PCDH7: variants seen among roughly 807,000 people sequenced by gnomAD.
The protein encoded by PCDH7 is protocadherin 7.
PCDH7 carries 17 observed loss-of-function variants against 58.9 expected under a neutral mutation model. That is an observed-to-expected ratio of 0.29 (90% CI 0.20 to 0.43). PCDH7 has a LOEUF of 0.43. Among genes scored for constraint, PCDH7 ranks in the 20% least tolerant of loss-of-function variants. The pLI, the probability that PCDH7 is intolerant of heterozygous loss-of-function variation, is 1.00. For synonymous variants in PCDH7, 664 were observed against 616.4 expected, an observed-to-expected ratio of 1.08 and a Z score of -1.14; for missense variants, 1,274 against 1,441.0, an observed-to-expected ratio of 0.88 and a Z score of 1.88.
intron 2 of PCDH7, among the ~76,000 whole-genome samples, chr4:30,923,612 A>G (rs2109418246): frequency 6.6e-6 from 1 of 152,296 alleles, no homozygotes; most frequent in East Asian, 1.9e-4. Context: ...ATGTAGAATG[A>G]GATCCACCAT....
Position 30,721,381 on chromosome 4 carries a change from G to A in PCDH7, c.-42G>A. On this transcript the variant is annotated 5_prime_UTR_variant, in exon 1 of 2. Transcript: ENST00000361762. The surrounding 1 kb of genome is among the most constrained non-coding windows in gnomAD (Gnocchi z 6.7). ...CCCCGGAGGAGGGGGGCGCCGAGGG[G>A]GCTGTGGTTAGAAGGAGCAGTAGCA... The A allele has an allele frequency of 1.4e-6, 2 of 1,439,902 alleles. No homozygotes were observed. The highest frequency in any genetic ancestry group is 2.9e-5 in the South Asian group (2 of 68,532). The allele number at this position is 1,439,902 out of a possible 1,614,324, so 89.2% of individuals were successfully genotyped here.
In PCDH7 at chr4:30,873,507, A is replaced by G. The variant is rs1054563047; in HGVS notation, c.71-46646A>G. Among the ~76,000 whole-genome samples, 5 of 152,094 alleles carry G rather than the reference A, an allele frequency of 3.3e-5. 1 individual carries two copies. Among genetic ancestry groups the G allele is most frequent in the Admixed American group, 1.3e-4 (2 of 15,256 alleles). ...TATATACAAATTTAATTTGAGATCT[A>G]TATGTATTTCTAAATAATGAGAAAT... On this transcript the variant is annotated intron_variant, in intron 1 of 3. Transcript: ENST00000509759.
At chr4:30,742,991 C>A (rs1018378869) in intron 1 of PCDH7, among the ~76,000 whole-genome samples, 1 of 152,022 alleles carries the variant, frequency 6.6e-6, no homozygotes, top group African/African-American at 2.4e-5. Flanking sequence ...TATCTCTGTT[C>A]TTTAATTAAT....
In PCDH7 at chr4:31,051,843, G is replaced by GGGT. The variant is rs1447803686; in HGVS notation, c.*8-90630_*8-90629insGGT. On this transcript the variant is annotated intron_variant, in intron 3 of 3. Coordinates refer to the PCDH7 transcript ENST00000509759. ...ATTGTTGGGTGTGTGTGGGGGGCGG[G>GGGT]TAGGGGAATTGTTCATGATATTTCA... 7.6e-4 allele frequency among the ~76,000 whole-genome samples: 112 copies of GGGT among 148,116 alleles called. 1 individual carries two copies. Among genetic ancestry groups the GGGT allele is most frequent in the African/African-American group, 2.8e-3 (110 of 39,404 alleles).
chr4:30,775,930 T>C (rs1722003125), intron 1 of PCDH7, among the ~76,000 whole-genome samples: 1 of 152,012 alleles, frequency 6.6e-6, no homozygotes, highest in Non-Finnish European at 1.5e-5. Context: ...ATGCCCACAT[T>C]TCAGAAAGGC....
chr4:30,749,865 TTTGTAG>T (rs1718276489), intron 1 of PCDH7, among the ~76,000 whole-genome samples: 1 of 152,232 alleles, frequency 6.6e-6, no homozygotes, highest in Non-Finnish European at 1.5e-5. Context: ...GTACCATTTC[TTTGTAG>T]AATTTTTAGG....
At chr4:30,773,231 T>C (rs1419525831) in intron 1 of PCDH7, among the ~76,000 whole-genome samples, 2 of 152,202 alleles carry the variant, frequency 1.3e-5, no homozygotes, top group African/African-American at 4.8e-5. Flanking sequence ...GAAGAATTTC[T>C]TGCTAAAAGT....
At chr4:30,860,059 C>T (rs137992707) in intron 1 of PCDH7, among the ~76,000 whole-genome samples, 2 of 152,214 alleles carry the variant, frequency 1.3e-5, no homozygotes, top group Admixed American at 6.5e-5. Context: ...GAGCACCTAC[C>T]GTGTGTTCGA....
At chr4:30,965,050 T>A (rs1748875818) in intron 3 of PCDH7, among the ~76,000 whole-genome samples, 1 of 152,240 alleles carries the variant, frequency 6.6e-6, no homozygotes, top group Non-Finnish European at 1.5e-5. Flanking sequence ...AATGAATATA[T>A]GTTAATTAGC....
chr4:30,794,864 A>G (rs748866023), intron 1 of PCDH7, among the ~76,000 whole-genome samples: 23 of 152,278 alleles, frequency 1.5e-4, no homozygotes, highest in Non-Finnish European at 2.5e-4. Flanking sequence ...ATTTCTCTGT[A>G]GTTTGATGGC....
At chr4:31,049,848 A>G (rs945828588) in intron 3 of PCDH7, among the ~76,000 whole-genome samples, 5 of 152,150 alleles carry the variant, frequency 3.3e-5, no homozygotes, top group African/African-American at 1.2e-4. Context: ...GAAAGATAAT[A>G]TATTCTGATT....
At chr4:31,097,546 G>A (rs571314807) in intron 3 of PCDH7, among the ~76,000 whole-genome samples, 2 of 117,268 alleles carry the variant, frequency 1.7e-5, no homozygotes, top group South Asian at 5.6e-4. Context: ...AAAGAAAGAT[G>A]CACTTACTAT....
chr4:30,730,894 G>C, exon 2 of PCDH7: 1 of 1,431,246 alleles, frequency 7.0e-7, no homozygotes. Context: ...GCCAATCACT[G>C]CTTGTTCCAC....
intron 3 of PCDH7, among the ~76,000 whole-genome samples, chr4:31,056,726 GAA>G (rs1409486101): frequency 6.6e-6 from 1 of 151,184 alleles, no homozygotes; most frequent in Admixed American, 6.6e-5. Context: ...GGAAGGGAAA[GAA>G]AGAGAAACGA....
chr4:31,080,245 A>G (rs1759387383), intron 3 of PCDH7, among the ~76,000 whole-genome samples: 1 of 151,204 alleles, frequency 6.6e-6, no homozygotes, highest in African/African-American at 2.4e-5. Context: ...CTTTCCCCCT[A>G]CAAATCTGTA....
chr4:30,901,541 C>T (rs899561390), intron 1 of PCDH7, among the ~76,000 whole-genome samples: 5 of 152,084 alleles, frequency 3.3e-5, no homozygotes, highest in Admixed American at 3.3e-4. Context: ...AAATGTGCAG[C>T]CAGAGTGGAG....
chr4:31,063,506 T>C (rs1345948594), intron 3 of PCDH7, among the ~76,000 whole-genome samples: 3 of 151,714 alleles, frequency 2.0e-5, no homozygotes, highest in Non-Finnish European at 2.9e-5. Flanking sequence ...ATTATTATTA[T>C]TATCATTCTA....
At chr4:31,058,755 T>C (rs1757452795) in intron 3 of PCDH7, among the ~76,000 whole-genome samples, 1 of 152,014 alleles carries the variant, frequency 6.6e-6, no homozygotes, top group Non-Finnish European at 1.5e-5. Context: ...ATAAACACTC[T>C]CTCATGTAGA....
At chr4:30,748,253 G>A (rs1303872812) in intron 1 of PCDH7, among the ~76,000 whole-genome samples, 1 of 152,156 alleles carries the variant, frequency 6.6e-6, no homozygotes, top group Admixed American at 6.5e-5. Flanking sequence ...AGAAGGGGTG[G>A]TGAGGCCAGG....
Sources: allele counts gnomAD v4.1 joint callset (sites outside exome capture counted in the v4.1 genomes callset), GRCh38; gene constraint gnomAD v4.1.1; non-coding constraint Gnocchi (gnomAD v3.1); transcripts MANE v1.5; gene names NCBI Gene and HGNC (gene_info 2026-07-23, HGNC 2026-07-21).